Variants in TRPC5 observed in about 807,000 individuals in gnomAD.
The protein encoded by TRPC5 is transient receptor potential cation channel subfamily C member 5, also known as short transient receptor potential channel 5.
Under a neutral mutation model 56.5 loss-of-function variants are expected in TRPC5, and 9 were observed. The ratio of observed to expected loss-of-function variants is 0.16; its 90% CI spans 0.10 to 0.28. TRPC5 has a LOEUF of 0.28. Among genes scored for constraint, TRPC5 ranks in the 10% least tolerant of loss-of-function variants. TRPC5 has a pLI of 1.00. For synonymous variants in TRPC5, 282 were observed against 278.5 expected (o/e 1.01, Z -0.13); for missense variants, 469 against 748.9 (o/e 0.63, Z 4.36).
intron 3 of TRPC5, among the ~76,000 whole-genome samples, chrX:111,880,247 G>C (rs946061017): frequency 4.5e-5 from 5 of 111,701 alleles, no homozygotes; most frequent in Middle Eastern, 4.6e-3. Flanking sequence ...TGTAGAATGA[G>C]AACTCCATTA....
At chrX:111,828,154 A>G (rs1922295897) in intron 7 of TRPC5, among the ~76,000 whole-genome samples, 1 of 112,013 alleles carries the variant, frequency 8.9e-6, no homozygotes, top group Non-Finnish European at 1.9e-5. Flanking sequence ...GTCTCGCTCC[A>G]TCTTCAAGCC....
At chrX:111,851,677 TGTA>T in intron 5 of TRPC5, among the ~76,000 whole-genome samples, 1 of 111,105 alleles carries the variant, frequency 9.0e-6, no homozygotes, top group Non-Finnish European at 1.9e-5. Flanking sequence ...CTGTGCCACC[TGTA>T]GTCAAGTTTC....
Position 111,888,279 on chromosome X carries a change from T to G in TRPC5, c.900+24012A>C, listed in dbSNP as rs1924601720. Reference sequence around the variant, plus strand: ...GGGCCATATAAACCACTATAAGGATTTGGGTTTTATGCTAAAGGAAATGCA... The same window carrying G: ...GGGCCATATAAACCACTATAAGGATGTGGGTTTTATGCTAAAGGAAATGCA... On this transcript the variant is annotated intron_variant, in intron 3 of 10. Transcript: ENST00000262839. Among the ~76,000 whole-genome samples the G allele has an allele frequency of 5.4e-5, 6 of 110,225 alleles. No homozygotes were observed. In the South Asian group the frequency reaches 2.3e-3, roughly 43 times the overall value.
At chrX:112,050,208 A>AAC (rs891497481) in intron 1 of TRPC5, among the ~76,000 whole-genome samples, 12 of 111,345 alleles carry the variant, frequency 1.1e-4, no homozygotes, top group Non-Finnish European at 2.3e-4. Flanking sequence ...CAAACAAACA[A>AAC]AGGCTGTGAG....
At chrX:111,857,293 T>C (rs1261279135) in intron 3 of TRPC5, among the ~76,000 whole-genome samples, 1 of 111,032 alleles carries the variant, frequency 9.0e-6, no homozygotes, top group Non-Finnish European at 1.9e-5. Flanking sequence ...GAAATGGCAG[T>C]GGAAATGGAG....
intron 1 of TRPC5, among the ~76,000 whole-genome samples, chrX:112,029,228 A>T (rs772225595): frequency 9.0e-6 from 1 of 111,548 alleles, no homozygotes; most frequent in East Asian, 2.8e-4. Flanking sequence ...CCCACAAATA[A>T]GAGAGAATAT....
chrX:111,879,081 G>T (rs1202188574), intron 3 of TRPC5, among the ~76,000 whole-genome samples: 1 of 112,152 alleles, frequency 8.9e-6, no homozygotes. Context: ...AATAAGGGAA[G>T]TATTTATGAA....
rs138034117 is a variant in TRPC5, at chrX:112,065,529, C to A, written c.-22+16350G>T. 1.4e-4 allele frequency among the ~76,000 whole-genome samples: 16 copies of A among 112,080 alleles called. No individual in the cohort carries two copies. The East Asian group carries it at 4.5e-3, about 31-fold the overall frequency. ...TCCTTGGCTTCATGGTCTCTTCCAT[C>A]TTTCCCTTGAGTATTATGACATTTC... On this transcript the variant is annotated intron_variant, in intron 1 of 10. Coordinates refer to ENST00000262839, the MANE Select transcript of TRPC5 (RefSeq NM_012471.3).
chrX:111,841,523 T>A (rs1922731881), intron 6 of TRPC5, among the ~76,000 whole-genome samples: 1 of 112,091 alleles, frequency 8.9e-6, no homozygotes, highest in Admixed American at 9.5e-5. Context: ...GAGGATTACA[T>A]GAGTTAATTC....
chrX:111,897,894 T>C (rs754500018), intron 3 of TRPC5, among the ~76,000 whole-genome samples: 80 of 111,151 alleles, frequency 7.2e-4, no homozygotes, highest in Non-Finnish European at 1.4e-3. Flanking sequence ...TAAATACCTA[T>C]GAGTAGAATT....
chrX:111,803,013 C>G (rs1052458131), intron 7 of TRPC5, among the ~76,000 whole-genome samples: 1 of 110,895 alleles, frequency 9.0e-6, no homozygotes, highest in African/African-American at 3.3e-5. Flanking sequence ...TATCCCTCCC[C>G]CAGCCCTCCA....
chrX:111,933,031 G>T (rs991462603), intron 2 of TRPC5, among the ~76,000 whole-genome samples: 2 of 112,201 alleles, frequency 1.8e-5, no homozygotes, highest in African/African-American at 6.5e-5. Context: ...TTTATTTTCT[G>T]AAACGTTCCT....
At chrX:112,038,865 T>G (rs1929822795) in intron 1 of TRPC5, among the ~76,000 whole-genome samples, 1 of 101,229 alleles carries the variant, frequency 9.9e-6, no homozygotes, top group East Asian at 3.0e-4. Context: ...TTTTTTTTTG[T>G]ATTTTTAGTA....
intron 1 of TRPC5, among the ~76,000 whole-genome samples, chrX:111,993,193 T>C (rs1928414787): frequency 9.1e-6 from 1 of 110,195 alleles, no homozygotes; most frequent in Non-Finnish European, 1.9e-5. Flanking sequence ...AGAATGATGG[T>C]TTCCAGCTTC....
chrX:112,063,667 T>C (rs1930510169), intron 1 of TRPC5, among the ~76,000 whole-genome samples: 1 of 112,426 alleles, frequency 8.9e-6, no homozygotes, highest in Admixed American at 9.4e-5. Flanking sequence ...TATGCTTGCA[T>C]GAATTCTTTG....
intron 1 of TRPC5, among the ~76,000 whole-genome samples, chrX:112,028,669 C>T (rs1929493842): frequency 8.9e-6 from 1 of 112,368 alleles, no homozygotes; most frequent in Non-Finnish European, 1.9e-5. Context: ...TTAATCCAGT[C>T]TAACATTGAT....
intron 1 of TRPC5, among the ~76,000 whole-genome samples, chrX:111,985,413 C>T (rs1246789759): frequency 8.9e-6 from 1 of 112,222 alleles, no homozygotes; most frequent in African/African-American, 3.2e-5. Context: ...ATTATTTTCA[C>T]TTCAGAGCCA....
chrX:111,772,894 A>G lies in TRPC5; in HGVS notation c.*3419T>C, dbSNP rs1945851516. Among the ~76,000 whole-genome samples the G allele has an allele frequency of 9.0e-6, 1 of 111,308 alleles. No individual in the cohort carries two copies. ...AACATGAATGCCAATGGTCATTTGTATTTTCAGGCTAAGGTTTGGCCTCAT... is the reference window on the plus strand; with the variant it reads ...AACATGAATGCCAATGGTCATTTGTGTTTTCAGGCTAAGGTTTGGCCTCAT... On this transcript the variant is annotated 3_prime_UTR_variant, in exon 11 of 11. Coordinates refer to ENST00000262839, the MANE Select transcript of TRPC5 (RefSeq NM_012471.3).
chrX:111,933,915 AT>A (rs1455827119), intron 2 of TRPC5, among the ~76,000 whole-genome samples: 1 of 111,188 alleles, frequency 9.0e-6, no homozygotes, highest in Non-Finnish European at 1.9e-5. Flanking sequence ...TTGATTCATT[AT>A]TGTACATATT....
Sources: gnomAD v4.1 joint callset for allele counts (sites outside exome capture counted in the v4.1 genomes callset) on GRCh38, gnomAD v4.1.1 for gene constraint, MANE v1.5 for transcripts, NCBI Gene and HGNC (gene_info 2026-07-23, HGNC 2026-07-21) for gene names.